Variants in ARHGAP21 observed in about 807,000 individuals in gnomAD.
ARHGAP21 encodes Rho GTPase activating protein 21, also known as rho GTPase-activating protein 21.
Under a neutral mutation model 164.6 loss-of-function variants are expected in ARHGAP21, and 38 were observed. The ratio of observed to expected loss-of-function variants is 0.23; its 90% confidence interval spans 0.18 to 0.30. ARHGAP21 has a LOEUF of 0.30. Ranked by LOEUF, ARHGAP21 falls within the 10% of genes least tolerant of loss-of-function variation. The probability of loss-of-function intolerance (pLI) is 1.00; values close to 1 mark genes in which losing one functional copy is unlikely to be tolerated. For missense variants in ARHGAP21, 1,822 were observed against 2,370.7 expected (o/e 0.77, Z 4.81); for synonymous variants, 766 against 857.9 (o/e 0.89, Z 1.87).
At chr10:24,696,604 T>C (rs539130322) in intron 2 of ARHGAP21, among the ~76,000 whole-genome samples, 15 of 152,110 alleles carry the variant, frequency 9.9e-5, no homozygotes, top group Admixed American at 2.0e-4. Flanking sequence ...TGACCTAACA[T>C]AGGATTAACA....
At chr10:24,638,276 T>C (rs1836595417) in intron 4 of ARHGAP21, among the ~76,000 whole-genome samples, 1 of 152,204 alleles carries the variant, frequency 6.6e-6, no homozygotes, top group Non-Finnish European at 1.5e-5. Context: ...CCCTTAAATA[T>C]AAGCAGATTT....
intron 4 of ARHGAP21, among the ~76,000 whole-genome samples, chr10:24,642,672 A>C (rs1376102894): frequency 6.6e-6 from 1 of 152,172 alleles, no homozygotes; most frequent in African/African-American, 2.4e-5. Flanking sequence ...AAAAAGCAGT[A>C]TGTCATGACA....
At chr10:24,588,231 T>C (rs370413815) in intron 25 of ARHGAP21, among the ~76,000 whole-genome samples, 1 of 152,104 alleles carries the variant, frequency 6.6e-6, no homozygotes, top group African/African-American at 2.4e-5. Context: ...TGTAATTATA[T>C]AGGAGAATGC....
intron 2 of ARHGAP21, among the ~76,000 whole-genome samples, chr10:24,696,319 C>T (rs1843172118): frequency 6.6e-6 from 1 of 152,170 alleles, no homozygotes; most frequent in Non-Finnish European, 1.5e-5. Flanking sequence ...CTCTGAGAAT[C>T]TGCAGGGGGT....
chr10:24,710,706 C>T (rs1593369195), intron 2 of ARHGAP21, among the ~76,000 whole-genome samples: 3 of 152,312 alleles, frequency 2.0e-5, no homozygotes, highest in South Asian at 4.1e-4. Flanking sequence ...GGCACTAGAT[C>T]AAATTTGAAT....
rs768425416 is a variant in ARHGAP21, at chr10:24,584,561, G to A, written c.5728C>T (p.Leu1910Phe). The A allele has an allele frequency of 6.2e-7, 1 of 1,613,836 alleles. No homozygotes were observed. Among genetic ancestry groups the A allele is most frequent in the East Asian group, 2.2e-5 (1 of 44,886 alleles). ...SSTLASTNRP[L>F]LSIPPQSPDQ... The stretch of plus-strand genomic sequence containing the variant: ...GGTGACTGTGGTGGTATGGAAAGAA[G>A]GGGCCTGTTTGTTGAAGCCAAGGTG... The change falls in exon 26 of 26, where the codon CTT becomes TTT. Residue 1910 changes from leucine (L) to phenylalanine (F), a missense_variant. By Grantham distance (22) the Leu-to-Phe change is conservative. Coordinates refer to ENST00000396432, the MANE Select transcript of ARHGAP21 (RefSeq NM_020824.4).
intron 2 of ARHGAP21, among the ~76,000 whole-genome samples, chr10:24,715,723 T>C (rs1017674446): frequency 6.6e-6 from 1 of 152,208 alleles, no homozygotes; most frequent in Non-Finnish European, 1.5e-5. Flanking sequence ...AAAATAAGTA[T>C]TCAGCTGGGC....
rs916823437 is a variant in ARHGAP21 at position 24,604,485 on chromosome 10, T to A, written c.2685-137A>T. The A allele has an allele frequency of 8.0e-6, 4 of 497,624 alleles. No homozygotes were observed. The South Asian group carries it at 2.9e-4, about 36-fold the overall frequency. The allele number at this position is 497,624 out of a possible 1,614,324, so 30.8% of individuals were successfully genotyped here. ...TCATTATCATGTTAAATGTCCACTA[T>A]TCAATGGAAGAGAAAAAAAGCTAAT... is the stretch of plus-strand genomic sequence containing the variant. On this transcript the variant is annotated intron_variant, in intron 11 of 25. Transcript: ENST00000396432.
intron 4 of ARHGAP21, among the ~76,000 whole-genome samples, chr10:24,638,234 C>T (rs1033654137): frequency 6.6e-6 from 1 of 151,948 alleles, no homozygotes; most frequent in Non-Finnish European, 1.5e-5. Flanking sequence ...TCCAATTCCT[C>T]CTAGAGAGAG....
At position 24,600,911 on chromosome 10, in the gene ARHGAP21, C is replaced by T. The variant is rs372958824; in HGVS notation, c.2867G>A (p.Arg956Gln). Residue 956 changes from arginine to glutamine, a missense_variant, in exon 14 of 26, where the codon CGG becomes CAG. By Grantham distance (43) the Arg-to-Gln change is conservative (BLOSUM62 1). Around this residue, in one of 5 missense-constraint regions of ARHGAP21, gnomAD observed 1,090 missense variants for 1,378.9 expected, o/e 0.79. Transcript: ENST00000396432. Reference protein sequence around the residue: ...DKGKRVGGSIRPWKQMYVVLR... With the variant: ...DKGKRVGGSIQPWKQMYVVLR... ...GACAACATACATCTGTTTCCATGGC[C>T]GAATACTTCCACCAACTCGCTAGAA... 12 of 1,610,402 alleles carry T rather than the reference C, an allele frequency of 7.5e-6. No homozygotes were observed. The highest frequency in any genetic ancestry group is 6.7e-5 in the East Asian group (3 of 44,774).
chr10:24,591,796 A>G, intron 22 of ARHGAP21, 91 bp downstream of exon 22: 1 of 1,597,748 alleles, frequency 6.3e-7, no homozygotes, highest in Non-Finnish European at 8.5e-7. Context: ...ATTACAACCA[A>G]CCTCTGTCTG....
chr10:24,590,943 A>C, intron 24 of ARHGAP21: 4 of 677,714 alleles, frequency 5.9e-6, no homozygotes, highest in Non-Finnish European at 7.3e-6. Flanking sequence ...TGTGAATTAA[A>C]AAAAAAAAAA....
intron 5 of ARHGAP21, among the ~76,000 whole-genome samples, chr10:24,633,884 T>C (rs12783887): frequency 1.7e-3 from 66 of 38,318 alleles, no homozygotes; most frequent in Admixed American, 0.017. Flanking sequence ...TTTTTTTCTC[T>C]TTTTTTTTTT....
At position 24,619,522 on chromosome 10, in the gene ARHGAP21, G is replaced by A; in HGVS notation, c.2373C>T (p.Ala791=). The A allele has an allele frequency of 6.2e-7, 1 of 1,614,134 alleles. No homozygotes were observed. Among genetic ancestry groups the A allele is most frequent in the South Asian group, 1.1e-5 (1 of 91,076 alleles). ...VHIKRMEERK[A]SSTSPPGDSL... ...AATCGCCAGGCGGACTGGTACTCGA[G>A]GCTTTTCTTTCCTCCATTCTTTTTA... is the stretch of plus-strand genomic sequence containing the variant. Residue 791 remains alanine (A), a synonymous_variant, in exon 9 of 26, where the codon GCC becomes GCT. Transcript: ENST00000396432.
At chr10:24,683,725 C>T (rs1354560347) in intron 2 of ARHGAP21, among the ~76,000 whole-genome samples, 1 of 152,182 alleles carries the variant, frequency 6.6e-6, no homozygotes, top group Non-Finnish European at 1.5e-5. Context: ...CTACCATACT[C>T]TGTCCCTGTC....
intron 24 of ARHGAP21, chr10:24,590,375 A>C: frequency 6.5e-7 from 1 of 1,535,418 alleles, no homozygotes; most frequent in East Asian, 2.4e-5. Flanking sequence ...AGGCAGCTAC[A>C]GTGTGGACAA....
At chr10:24,595,597 A>C in intron 19 of ARHGAP21, 120 bp downstream of exon 19, 1 of 980,090 alleles carries the variant, frequency 1.0e-6, no homozygotes, top group South Asian at 1.7e-5. Flanking sequence ...GGGAGAACTA[A>C]ATAAAGCCTC....
chr10:24,638,318 T>C (rs925689494), intron 4 of ARHGAP21, among the ~76,000 whole-genome samples: 1 of 152,234 alleles, frequency 6.6e-6, no homozygotes, highest in Non-Finnish European at 1.5e-5. Context: ...TCAATTTCTA[T>C]ACACCTTGAC....
intron 24 of ARHGAP21, chr10:24,590,941 A>G: frequency 7.3e-6 from 1 of 137,596 alleles, no homozygotes; most frequent in South Asian, 2.3e-4. Context: ...ACTGTGAATT[A>G]AAAAAAAAAA....
Sources: allele counts gnomAD v4.1 joint callset (sites outside exome capture counted in the v4.1 genomes callset), GRCh38; gene constraint gnomAD v4.1.1; regional missense constraint gnomAD v4.1.1; transcripts MANE v1.5; gene names NCBI Gene and HGNC (gene_info 2026-07-23, HGNC 2026-07-21).